SYNE1: variants seen among roughly 807,000 people sequenced by gnomAD.
SYNE1 encodes the protein nesprin-1.
A neutral mutation model predicts 1,111.0 loss-of-function variants in SYNE1; 616 were observed. The ratio of observed to expected loss-of-function variants is 0.55; its 90% CI spans 0.52 to 0.59. The LOEUF is 0.59. Ranked by LOEUF, SYNE1 falls within the 20% of genes least tolerant of loss-of-function variation. The pLI is 0.00. For synonymous variants in SYNE1, 3,855 were observed against 3,825.8 expected (o/e 1.01, Z -0.28); for missense variants, 10,006 against 10,417.0 (o/e 0.96, Z 1.72).
chr6:152,417,106 T>C, intron 40 of SYNE1, 91 bp from the exon 41 acceptor site: 1 of 1,561,278 alleles, frequency 6.4e-7, no homozygotes, highest in Non-Finnish European at 8.7e-7. Context: ...AAGATCTATT[T>C]TAGGTGCCAT....
chr6:152,240,507 T>A (rs2085360160), intron 107 of SYNE1, among the ~76,000 whole-genome samples: 1 of 152,204 alleles, frequency 6.6e-6, no homozygotes, highest in Non-Finnish European at 1.5e-5. Context: ...CTACTAATGT[T>A]TTTGAAATGT....
At chr6:152,233,710 C>T in intron 112 of SYNE1, 71 bp downstream of exon 112, 1 of 1,584,476 alleles carries the variant, frequency 6.3e-7, no homozygotes, top group South Asian at 1.1e-5. Flanking sequence ...TGAGCAAAAG[C>T]AAATTAATGT....
At chr6:152,338,819 T>C (rs1053285831) in intron 75 of SYNE1, among the ~76,000 whole-genome samples, 2 of 152,018 alleles carry the variant, frequency 1.3e-5, no homozygotes, top group Non-Finnish European at 2.9e-5. Context: ...ACTAGAAGGA[T>C]TGTGACAGAT....
chr6:152,415,789 TAAAAAAAA>T (rs1209590450), intron 41 of SYNE1, among the ~76,000 whole-genome samples: 1,407 of 73,044 alleles, frequency 0.019, 21 homozygotes, highest in African/African-American at 0.028. Flanking sequence ...TTCAAAGTGG[TAAAAAAAA>T]AAAAAAAAAA....
chr6:152,485,955 T>C (rs2098936817), intron 12 of SYNE1, among the ~76,000 whole-genome samples: 1 of 152,100 alleles, frequency 6.6e-6, no homozygotes, highest in Non-Finnish European at 1.5e-5. Context: ...CCAGCACTTT[T>C]GGAGATCGAG....
At chr6:152,494,580 A>G (rs1232690005) in intron 11 of SYNE1, among the ~76,000 whole-genome samples, 3 of 152,150 alleles carry the variant, frequency 2.0e-5, no homozygotes, top group African/African-American at 7.2e-5. Context: ...CAGCAAGCCA[A>G]ACTCATTGCC....
In SYNE1 at chr6:152,447,476, A is replaced by T; in HGVS notation, c.3651T>A (p.Leu1217=). The part of the protein sequence containing the change: ...LAKLSSSFKA[L]VTLLSEVEKM... ...GCTGTACCTCTGACAGCAGCGTCACAAGAGCCTTGAAAGAGCTGGATAATT... is the reference window on the plus strand; with the variant it reads ...GCTGTACCTCTGACAGCAGCGTCACTAGAGCCTTGAAAGAGCTGGATAATT... Residue 1217 remains leucine (L), a synonymous_variant, in exon 29 of 146, where the codon CTT becomes CTA. Coordinates refer to ENST00000367255, the MANE Select transcript of SYNE1 (RefSeq NM_182961.4). 1 of 1,614,246 alleles carries T rather than the reference A, an allele frequency of 6.2e-7. No individual in the cohort carries two copies. The highest frequency in any genetic ancestry group is 1.3e-5 in the African/African-American group (1 of 75,072).
At chr6:152,472,520 G>T in intron 14 of SYNE1, 107 bp from the exon 15 acceptor site, 2 of 1,021,232 alleles carry the variant, frequency 2.0e-6, no homozygotes, top group South Asian at 1.3e-5. Flanking sequence ...TCAACAATTT[G>T]ATCCCGCTGC....
At chr6:152,401,944 G>T (rs2097825980) in intron 46 of SYNE1, among the ~76,000 whole-genome samples, 1 of 152,164 alleles carries the variant, frequency 6.6e-6, no homozygotes, top group Non-Finnish European at 1.5e-5. Context: ...GGCCTATTTG[G>T]TAATGAAAAC....
intron 127 of SYNE1, among the ~76,000 whole-genome samples, chr6:152,194,186 C>T (rs1285819454): frequency 6.6e-6 from 1 of 152,104 alleles, no homozygotes; most frequent in East Asian, 1.9e-4. Flanking sequence ...TCTTGTAGGT[C>T]AGGTCTGATG....
Position 152,433,144 on chromosome 6 carries a change from A to G in SYNE1, c.4461+651T>C, listed in dbSNP as rs536364981. ...TGGCTGAATTTTGAAAATGTGTGGT[A>G]TAAAATTGTATAAAAGAAAGAGAAA... On this transcript the variant is annotated intron_variant, in intron 34 of 145. Transcript: ENST00000367255. Among the ~76,000 whole-genome samples, 4 of 151,860 alleles carry G rather than the reference A, an allele frequency of 2.6e-5. No homozygotes were observed. In the East Asian group the frequency reaches 5.8e-4, roughly 22 times the overall value.
At chr6:152,414,127 G>A (rs1325762192) in intron 41 of SYNE1, among the ~76,000 whole-genome samples, 1 of 151,864 alleles carries the variant, frequency 6.6e-6, no homozygotes, top group Admixed American at 6.6e-5. Flanking sequence ...CATATCACCA[G>A]CCACAGTGGC....
chr6:152,437,865 T>C (rs1052954200), intron 32 of SYNE1, among the ~76,000 whole-genome samples: 4 of 152,164 alleles, frequency 2.6e-5, no homozygotes, highest in African/African-American at 9.7e-5. Flanking sequence ...CCATATAAGA[T>C]AGAGTTACTA....
chr6:152,407,218 T>C (rs778070538), intron 44 of SYNE1, 22 bp from the exon 45 acceptor site: 10 of 1,612,638 alleles, frequency 6.2e-6, no homozygotes, highest in Non-Finnish European at 8.5e-6. Flanking sequence ...ACAGAAGCCA[T>C]GGCATTCATA....
intron 126 of SYNE1, among the ~76,000 whole-genome samples, chr6:152,204,802 C>G (rs979537484): frequency 2.0e-5 from 3 of 152,012 alleles, no homozygotes; most frequent in African/African-American, 4.8e-5. Context: ...TTTTCTACAC[C>G]AACAAACAGA....
intron 98 of SYNE1, among the ~76,000 whole-genome samples, chr6:152,275,388 C>T (rs904578831): frequency 1.3e-5 from 2 of 151,910 alleles, no homozygotes; most frequent in Non-Finnish European, 2.9e-5. Context: ...GTAGAAAATA[C>T]AGTTTATCAC....
chr6:152,371,335 G>T (rs1325447612), intron 59 of SYNE1, among the ~76,000 whole-genome samples: 1 of 151,578 alleles, frequency 6.6e-6, no homozygotes, highest in African/African-American at 2.4e-5. Context: ...TCCCGCTTTG[G>T]CTCATACTTC....
chr6:152,139,909 C>A, intron 140 of SYNE1, 41 bp downstream of exon 140: 1 of 1,577,628 alleles, frequency 6.3e-7, no homozygotes, highest in Non-Finnish European at 8.6e-7. Flanking sequence ...CACGCGGTGG[C>A]TCTCTGTTTG....
intron 25 of SYNE1, among the ~76,000 whole-genome samples, chr6:152,451,920 C>T (rs1033328816): frequency 6.6e-6 from 1 of 151,614 alleles, no homozygotes; most frequent in Non-Finnish European, 1.5e-5. Context: ...TGTCAATGAC[C>T]TTGTGAGGTA....
Sources: allele counts gnomAD v4.1 joint callset (sites outside exome capture counted in the v4.1 genomes callset), GRCh38; gene constraint gnomAD v4.1.1; transcripts MANE v1.5; gene names NCBI Gene and HGNC (gene_info 2026-07-23, HGNC 2026-07-21).